PIK3R6: variants seen among roughly 807,000 people sequenced by gnomAD.
The protein encoded by PIK3R6 is phosphoinositide 3-kinase regulatory subunit 6.
Under a neutral mutation model 84.9 loss-of-function variants are expected in PIK3R6, and 91 were observed. The ratio of observed to expected loss-of-function variants is 1.07; its 90% CI spans 0.90 to 1.28. PIK3R6 has a LOEUF of 1.28. PIK3R6 is among the 50% of genes most tolerant of loss of function. PIK3R6 has a pLI of 0.00. For missense variants in PIK3R6, 996 were observed against 985.1 expected (o/e 1.01, Z -0.15); for synonymous variants, 416 against 411.4 (o/e 1.01, Z -0.13).
At chr17:8,821,759 C>T in intron 17 of PIK3R6, 87 bp downstream of exon 17, 1 of 1,369,034 alleles carries the variant, frequency 7.3e-7, no homozygotes, top group South Asian at 1.3e-5. Context: ...GAGAGGGCTC[C>T]CCCTTCTCCT....
intron 17 of PIK3R6, among the ~76,000 whole-genome samples, chr17:8,820,112 A>G (rs1597387994): frequency 7.0e-6 from 1 of 142,558 alleles, no homozygotes; most frequent in African/African-American, 2.6e-5. Flanking sequence ...ACACTGGCTA[A>G]TTTTTTTTTT....
intron 1 of PIK3R6, among the ~76,000 whole-genome samples, chr17:8,863,556 AC>A (rs1187875598): frequency 6.6e-6 from 1 of 151,738 alleles, no homozygotes; most frequent in African/African-American, 2.4e-5. Context: ...TTTTTTTGAG[AC>A]AGAGTTTCGC....
intron 10 of PIK3R6, 68 bp downstream of exon 10, chr17:8,829,634 ACACT>A: frequency 1.4e-6 from 2 of 1,423,482 alleles, no homozygotes; most frequent in East Asian, 2.5e-5. Context: ...ACACTGACAC[ACACT>A]CATGCACGCA....
intron 17 of PIK3R6, among the ~76,000 whole-genome samples, chr17:8,819,731 CAT>C (rs1185078275): frequency 2.1e-5 from 3 of 146,070 alleles, no homozygotes; most frequent in East Asian, 4.0e-4. Flanking sequence ...TATACACACA[CAT>C]ATATAAGTAT....
At chr17:8,863,187 T>C (rs2089321668) in intron 1 of PIK3R6, among the ~76,000 whole-genome samples, 2 of 152,154 alleles carry the variant, frequency 1.3e-5, no homozygotes, top group African/African-American at 4.8e-5. Flanking sequence ...TACATGGATA[T>C]GTAGATATTT....
chr17:8,833,160 G>A (rs2088322008), intron 8 of PIK3R6, 115 bp from the exon 9 acceptor site: 5 of 1,364,834 alleles, frequency 3.7e-6, no homozygotes, highest in Non-Finnish European at 4.8e-6. Flanking sequence ...CGCTGCCCCT[G>A]GGGGCCCGGC....
At chr17:8,841,740 A>T (rs888882484) in intron 2 of PIK3R6, among the ~76,000 whole-genome samples, 5 of 152,014 alleles carry the variant, frequency 3.3e-5, no homozygotes, top group Admixed American at 6.5e-5. Context: ...AGAATAAGCA[A>T]CTGACATTTG....
At chr17:8,829,203 GCACACACACAGA>G (rs1193719288) in intron 10 of PIK3R6, among the ~76,000 whole-genome samples, 15 of 128,910 alleles carry the variant, frequency 1.2e-4, no homozygotes, top group South Asian at 5.0e-4. Flanking sequence ...ACACACACGT[GCACACACACAGA>G]CACACACACA....
Position 8,828,657 on chromosome 17 carries a change from G to A in PIK3R6, c.1223C>T (p.Pro408Leu). ...GGCTGTGTGCAGCCGGGACACGCCG[G>A]GCAGCATTTCCCCATCCCCACTGGG... is the stretch of plus-strand genomic sequence containing the variant. ...GRPSGDGEML[P>L]GVSRLHTARV... Residue 408 changes from proline (P) to leucine (L), a missense_variant, in exon 11 of 20, where the codon CCC (proline) becomes CTC (leucine). Pro to Leu is a moderately conservative substitution (Grantham distance 98). Transcript: ENST00000619866. 1.2e-6 allele frequency: 2 copies of A among 1,613,112 alleles called. No homozygotes were observed. Among genetic ancestry groups the A allele is most frequent in the African/African-American group, 2.7e-5 (2 of 75,034 alleles).
At chr17:8,854,877 T>G (rs141448464) in intron 1 of PIK3R6, among the ~76,000 whole-genome samples, 1 of 152,280 alleles carries the variant, frequency 6.6e-6, no homozygotes, top group East Asian at 1.9e-4. Flanking sequence ...AAACTTTGGT[T>G]TTATGACAGA....
At chr17:8,819,610 G>C (rs969254687) in intron 17 of PIK3R6, among the ~76,000 whole-genome samples, 1 of 150,764 alleles carries the variant, frequency 6.6e-6, no homozygotes, top group African/African-American at 2.4e-5. Context: ...GGTGAGGAGG[G>C]CATCAGTGCC....
chr17:8,803,610 C>T lies in PIK3R6; in HGVS notation c.2109-181G>A. Reference sequence around the variant, plus strand: ...GAAAGAAAAACCTGGGCCTGGGGTTCACCGGGAGAGGAGACACTTGGAGCA... The same window carrying T: ...GAAAGAAAAACCTGGGCCTGGGGTTTACCGGGAGAGGAGACACTTGGAGCA... On this transcript the variant is annotated intron_variant, in intron 19 of 19. Transcript: ENST00000619866. This position sits in a 1 kb window ranked among gnomAD's most constrained non-coding sequence, Gnocchi z 5.0. The T allele has an allele frequency of 1.6e-6, 1 of 625,044 alleles. No homozygotes were observed. Among genetic ancestry groups the T allele is most frequent in the Non-Finnish European group, 2.7e-6 (1 of 374,182 alleles). The allele number at this position is 625,044 out of a possible 1,614,324, so 38.7% of individuals were successfully genotyped here. A position where few individuals can be genotyped will look rare whatever the true frequency, so the allele number is the denominator to read the frequency against.
Position 8,829,313 on chromosome 17 carries a change from C to T in PIK3R6, c.890-323G>A, listed in dbSNP as rs560186243. Among the ~76,000 whole-genome samples, 224 of 148,484 alleles carry T rather than the reference C, an allele frequency of 1.5e-3. 2 individuals carry two copies. The highest frequency in any genetic ancestry group is 2.4e-3 in the Admixed American group (36 of 14,920). ...TCATGCATACACACACACTGACACA[C>T]GCATGCACGCATACACCCATGCAAG... On this transcript the variant is annotated intron_variant, in intron 10 of 19. Coordinates refer to ENST00000619866, the MANE Select transcript of PIK3R6 (RefSeq NM_001010855.4).
chr17:8,849,693 G>C (rs1157572449), intron 2 of PIK3R6, 89 bp downstream of exon 2: 1 of 1,410,744 alleles, frequency 7.1e-7, no homozygotes, highest in East Asian at 2.6e-5. Context: ...AGGGGGTCCT[G>C]CCAGCCCTAG....
Position 8,827,745 on chromosome 17 carries a change from GAGAGAGAGAGAGAGAGAGGAGA to G in PIK3R6, c.1392+345_1392+366del, listed in dbSNP as rs1567583519. On this transcript the variant is annotated intron_variant, in intron 12 of 19. Coordinates refer to ENST00000619866, the MANE Select transcript of PIK3R6 (RefSeq NM_001010855.4). Reference sequence around the variant, plus strand: ...GTATGAGAGAGGGGAGGGAAGGGGAGAGAGAGAGAGAGAGAGAGGAGAGAGAGAGAGAGAGAGAGAGAGAGAG... The same window carrying G: ...GTATGAGAGAGGGGAGGGAAGGGGAGGAGAGAGAGAGAGAGAGAGAGAGAG... 3.0e-3 allele frequency among the ~76,000 whole-genome samples: 272 copies of G among 89,562 alleles called. 1 individual carries two copies. The highest frequency in any genetic ancestry group is 7.3e-3 in the Admixed American group (62 of 8,506). The allele number at this position is 89,562 out of a possible 152,430, so 58.8% of individuals were successfully genotyped here.
intron 16 of PIK3R6, 117 bp from the exon 17 acceptor site, chr17:8,822,053 T>TA: frequency 1.1e-5 from 1 of 89,182 alleles, no homozygotes; most frequent in Non-Finnish European, 2.1e-5. Flanking sequence ...TGTGAGAGTC[T>TA]TTTTTTTTTT....
intron 1 of PIK3R6, among the ~76,000 whole-genome samples, chr17:8,858,425 T>C (rs1407582385): frequency 1.3e-5 from 2 of 150,134 alleles, no homozygotes; most frequent in Non-Finnish European, 3.0e-5. Flanking sequence ...CAAACGATTC[T>C]CTTGCCTTAG....
At chr17:8,804,629 C>T (rs1298457448) in intron 18 of PIK3R6, among the ~76,000 whole-genome samples, 1 of 152,132 alleles carries the variant, frequency 6.6e-6, no homozygotes, top group Non-Finnish European at 1.5e-5. Flanking sequence ...CCAAAGACCC[C>T]AAGCTCAGAC....
At chr17:8,841,390 C>G (rs979573163) in intron 2 of PIK3R6, among the ~76,000 whole-genome samples, 5 of 152,186 alleles carry the variant, frequency 3.3e-5, no homozygotes, top group African/African-American at 7.2e-5. Context: ...TTGGAGTCCT[C>G]CACTCTTGAT....
Sources: gnomAD v4.1 joint callset for allele counts (sites outside exome capture counted in the v4.1 genomes callset) on GRCh38, gnomAD v4.1.1 for gene constraint, Gnocchi (gnomAD v3.1) non-coding constraint, MANE v1.5 for transcripts, NCBI Gene and HGNC (gene_info 2026-07-23, HGNC 2026-07-21) for gene names.